Variants in BMPR1A observed in about 807,000 individuals in gnomAD.
BMPR1A encodes the protein bone morphogenetic protein receptor type-1A.
Under a neutral mutation model 66.0 loss-of-function variants are expected in BMPR1A, and 7 were observed. That is an observed-to-expected ratio of 0.11 (90% CI 0.06 to 0.20). The LOEUF (loss-of-function observed/expected upper bound fraction) is 0.20, where lower values mean the gene tolerates loss of function less well. BMPR1A is among the 10% of genes least tolerant of loss of function. BMPR1A has a pLI of 1.00. For synonymous variants in BMPR1A, 200 were observed against 229.7 expected (o/e 0.87, Z 1.17); for missense variants, 408 against 669.1 (o/e 0.61, Z 4.31).
At chr10:86,878,407 C>G (rs1446635145) in intron 3 of BMPR1A, among the ~76,000 whole-genome samples, 1 of 152,144 alleles carries the variant, frequency 6.6e-6, no homozygotes, top group Non-Finnish European at 1.5e-5. Context: ...AAGACTTGGT[C>G]ACAAATTTTA....
intron 3 of BMPR1A, among the ~76,000 whole-genome samples, chr10:86,887,382 A>G (rs1843080412): frequency 6.6e-6 from 1 of 152,212 alleles, no homozygotes; most frequent in Admixed American, 6.5e-5. Flanking sequence ...ATAGTATTCT[A>G]GGAAGTTTCA....
rs192545838 is a variant in BMPR1A, at chr10:86,911,912, C to T, written c.531-328C>T. ...TGGCAAAAGTCTGAAAATATGACTT[C>T]GAGGTTTGGGTTGGAATGTAAGGAA... On this transcript the variant is annotated intron_variant, in intron 7 of 12. Coordinates refer to ENST00000372037, the MANE Select transcript of BMPR1A (RefSeq NM_004329.3). Among the ~76,000 whole-genome samples, 342 of 152,122 alleles carry T rather than the reference C, an allele frequency of 2.2e-3. 1 individual carries two copies. Among genetic ancestry groups the T allele is most frequent in the African/African-American group, 7.8e-3 (324 of 41,494 alleles).
chr10:86,875,091 C>T lies in BMPR1A; in HGVS notation c.-152-776C>T, dbSNP rs1245692723. Among the ~76,000 whole-genome samples the T allele has an allele frequency of 2.6e-5, 4 of 151,388 alleles. No homozygotes were observed. In the South Asian group the frequency reaches 6.3e-4, roughly 24 times the overall value. ...TCTTTAATTAAATATGTGTAATTTT[C>T]GCCTGGCATGGTGACTCACACCTGT... is the stretch of plus-strand genomic sequence containing the variant. On this transcript the variant is annotated intron_variant, in intron 2 of 12. Transcript: ENST00000372037.
intron 7 of BMPR1A, among the ~76,000 whole-genome samples, chr10:86,903,828 G>T (rs546880588): frequency 6.6e-6 from 1 of 151,930 alleles, no homozygotes; most frequent in Non-Finnish European, 1.5e-5. Flanking sequence ...AGATGGTCTC[G>T]ATCTCCTGAC....
chr10:86,899,746 G>T (rs774646013), intron 5 of BMPR1A, 48 bp from the exon 6 acceptor site: 22 of 1,564,352 alleles, frequency 1.4e-5, no homozygotes, highest in Non-Finnish European at 1.7e-5. Flanking sequence ...AGACATATCA[G>T]TTTAAAATAC....
At chr10:86,869,213 T>C (rs1358617568) in intron 2 of BMPR1A, among the ~76,000 whole-genome samples, 1 of 152,146 alleles carries the variant, frequency 6.6e-6, no homozygotes, top group East Asian at 1.9e-4. Context: ...TCCCAGCACT[T>C]TGAGAGGCCG....
chr10:86,853,667 G>A (rs915812734), intron 2 of BMPR1A, among the ~76,000 whole-genome samples: 5 of 152,128 alleles, frequency 3.3e-5, no homozygotes, highest in East Asian at 1.9e-4. Context: ...CTGGGCGTCC[G>A]GGGGAGACAT....
At chr10:86,769,381 T>TC (rs1191940823) in intron 1 of BMPR1A, among the ~76,000 whole-genome samples, 2 of 152,182 alleles carry the variant, frequency 1.3e-5, no homozygotes, top group African/African-American at 4.8e-5. Flanking sequence ...GCTATGTAAA[T>TC]AGCAACTGCG....
intron 1 of BMPR1A, among the ~76,000 whole-genome samples, chr10:86,774,382 A>G (rs1046264751): frequency 1.3e-5 from 2 of 152,120 alleles, no homozygotes; most frequent in Admixed American, 6.6e-5. Context: ...GTCTTGGACC[A>G]TGGGCCAAGC....
rs1564685652 is a variant in BMPR1A, at chr10:86,790,223, ATATATATATAT to A, written c.-268+33305_-268+33315del. Among the ~76,000 whole-genome samples the A allele has an allele frequency of 1.2e-3, 112 of 93,094 alleles. 17 individuals carry two copies. The highest frequency in any genetic ancestry group is 3.5e-3 in the East Asian group (9 of 2,592). 61.1% of individuals were successfully genotyped at this position (93,094 alleles called of 152,430 possible). A position where few individuals can be genotyped will look rare whatever the true frequency, so the allele number is the denominator to read the frequency against. Reference sequence around the variant, plus strand: ...TATATATATATATATATATATATATATATATATATATATCAAAACCACAATGAGATTCTGCT... The same window carrying A: ...TATATATATATATATATATATATATAATCAAAACCACAATGAGATTCTGCT... On this transcript the variant is annotated intron_variant, in intron 1 of 12. Transcript: ENST00000372037.
chr10:86,835,433 C>T (rs1264805350), intron 1 of BMPR1A, among the ~76,000 whole-genome samples: 1 of 149,864 alleles, frequency 6.7e-6, no homozygotes, highest in Non-Finnish European at 1.5e-5. Context: ...CATGGTTAAT[C>T]CCAGCTACTG....
chr10:86,916,124 C>T (rs768137356), intron 8 of BMPR1A, among the ~76,000 whole-genome samples: 7 of 152,128 alleles, frequency 4.6e-5, no homozygotes, highest in Admixed American at 3.3e-4. Context: ...AAAAACCCAG[C>T]GACAGGAATA....
chr10:86,830,112 G>A (rs1842247290), intron 1 of BMPR1A, among the ~76,000 whole-genome samples: 1 of 152,140 alleles, frequency 6.6e-6, no homozygotes, highest in Non-Finnish European at 1.5e-5. Context: ...AGGGCCAGTG[G>A]ATGGAAAATT....
chr10:86,796,814 T>G (rs890462425), intron 1 of BMPR1A, among the ~76,000 whole-genome samples: 1 of 151,986 alleles, frequency 6.6e-6, no homozygotes, highest in Non-Finnish European at 1.5e-5. Flanking sequence ...TAGCAGAATA[T>G]TGTCCCAGTG....
intron 1 of BMPR1A, among the ~76,000 whole-genome samples, chr10:86,831,021 C>T (rs1234051053): frequency 1.3e-5 from 2 of 152,120 alleles, no homozygotes; most frequent in Non-Finnish European, 2.9e-5. Context: ...ATATTCAGGC[C>T]TCATCCCTGT....
intron 1 of BMPR1A, among the ~76,000 whole-genome samples, chr10:86,760,232 C>CTTTTTTTTTTTTTTT (rs1841024648): frequency 4.7e-5 from 1 of 21,076 alleles, no homozygotes; most frequent in Non-Finnish European, 8.2e-5. Context: ...TTTTTTCTTT[C>CTTTTTTTTTTTTTTT]TTTCTTTCTT....
chr10:86,900,153 A>T (rs767249542), intron 7 of BMPR1A, 27 bp downstream of exon 7: 4 of 1,605,690 alleles, frequency 2.5e-6, no homozygotes, highest in Non-Finnish European at 3.4e-6. Context: ...TTTGAAGCAA[A>T]ATATTTTGTC....
At chr10:86,851,627 A>G (rs1842569219) in intron 2 of BMPR1A, among the ~76,000 whole-genome samples, 1 of 152,200 alleles carries the variant, frequency 6.6e-6, no homozygotes, top group Admixed American at 6.5e-5. Flanking sequence ...TGAGGATTGC[A>G]TACACAAGGG....
At chr10:86,901,156 C>T (rs1189353137) in intron 7 of BMPR1A, among the ~76,000 whole-genome samples, 2 of 152,250 alleles carry the variant, frequency 1.3e-5, no homozygotes, top group Non-Finnish European at 2.9e-5. Context: ...ACCCAGCCTG[C>T]AGCCTGTCGG....
Sources: allele counts gnomAD v4.1 joint callset (sites outside exome capture counted in the v4.1 genomes callset), GRCh38; gene constraint gnomAD v4.1.1; transcripts MANE v1.5; gene names NCBI Gene and HGNC (gene_info 2026-07-23, HGNC 2026-07-21).